Variants in TMEM71 observed in about 807,000 individuals in gnomAD.
TMEM71 encodes the protein transmembrane protein 71.
Under a neutral mutation model 38.0 loss-of-function variants are expected in TMEM71, and 44 were observed. The ratio of observed to expected loss-of-function variants is 1.16; its 90% CI spans 0.91 to 1.49. The LOEUF is 1.49. TMEM71 is among the 40% of genes most tolerant of loss of function. The probability of loss-of-function intolerance (pLI) is 0.00; values close to 1 mark genes in which losing one functional copy is unlikely to be tolerated. For missense variants in TMEM71, 367 were observed against 348.6 expected (o/e 1.05, Z -0.42); for synonymous variants, 133 against 122.5 (o/e 1.09, Z -0.56).
intron 6 of TMEM71, among the ~76,000 whole-genome samples, chr8:132,724,165 C>T (rs1335471350): frequency 7.2e-5 from 11 of 152,262 alleles, no homozygotes; most frequent in East Asian, 1.9e-4. Flanking sequence ...CTATGTTCAG[C>T]GGTGCACATA....
Position 132,727,853 on chromosome 8 carries a change from A to T in TMEM71, c.621T>A (p.Leu207=). 3 of 1,614,126 alleles carry T rather than the reference A, an allele frequency of 1.9e-6. No homozygotes were observed. Among genetic ancestry groups the T allele is most frequent in the Non-Finnish European group, 2.5e-6 (3 of 1,179,976 alleles). Reference sequence around the variant, plus strand: ...GTTCAGAAGCTGTCAACTGGGACTGAAGAGACAAGCTATGGGAGTTTCCTC... The same window carrying T: ...GTTCAGAAGCTGTCAACTGGGACTGTAGAGACAAGCTATGGGAGTTTCCTC... ...PPGGNSHSLS[L]QSQLTASERF... Residue 207 remains leucine, a synonymous_variant, in exon 6 of 10, where the codon CTT becomes CTA. Coordinates refer to ENST00000677595, the MANE Select transcript of TMEM71 (RefSeq NM_001382403.1).
chr8:132,748,975 G>T (rs937277526), intron 4 of TMEM71, among the ~76,000 whole-genome samples: 2 of 152,226 alleles, frequency 1.3e-5, no homozygotes, highest in African/African-American at 4.8e-5. Flanking sequence ...TACGTCATAA[G>T]ATTCCAGAGC....
downstream of TMEM71, among the ~76,000 whole-genome samples, chr8:132,707,892 A>G (rs1321324032): frequency 6.6e-6 from 1 of 152,154 alleles, no homozygotes; most frequent in Non-Finnish European, 1.5e-5. Context: ...TAAACATGAC[A>G]TTTAATAAGT....
At chr8:132,741,682 T>C (rs573323237) in intron 5 of TMEM71, among the ~76,000 whole-genome samples, 1 of 152,188 alleles carries the variant, frequency 6.6e-6, no homozygotes, top group East Asian at 1.9e-4. Flanking sequence ...CCTTCACTAA[T>C]TTACTACTGC....
chr8:132,723,381 G>C (rs573852567), intron 6 of TMEM71, among the ~76,000 whole-genome samples: 2 of 151,418 alleles, frequency 1.3e-5, no homozygotes, highest in Admixed American at 6.6e-5. Context: ...AATGGGTTTA[G>C]ATTTGAGATC....
rs1826161823 is a variant in TMEM71 at position 132,710,045 on chromosome 8, C to T, written c.*922G>A. On this transcript the variant is annotated 3_prime_UTR_variant, in exon 10 of 10. Coordinates refer to ENST00000677595, the MANE Select transcript of TMEM71 (RefSeq NM_001382403.1). ...TATATTTTGGCATTATCATTTCGAG[C>T]AAAGACAATTTTCTGCATGTATGAG... The T allele has an allele frequency of 6.6e-6, 1 of 152,004 alleles. No homozygotes were observed. The highest frequency in any genetic ancestry group is 6.6e-5 in the Admixed American group (1 of 15,256). The allele number at this position is 152,004 out of a possible 1,614,324, so 9.4% of individuals were successfully genotyped here.
At chr8:132,769,593 T>A in the TMEM71 span, among the ~76,000 whole-genome samples, 1 of 152,204 alleles carries the variant, frequency 6.6e-6, no homozygotes, top group South Asian at 2.1e-4. Flanking sequence ...AACTATGTAA[T>A]GAAGGTTGAG....
rs114170798 is a variant in TMEM71 at position 132,718,072 on chromosome 8, T to A, written c.753-3857A>T. Among the ~76,000 whole-genome samples, 291 of 152,262 alleles carry A rather than the reference T, an allele frequency of 1.9e-3. 1 individual carries two copies. The highest frequency in any genetic ancestry group is 6.8e-3 in the African/African-American group (282 of 41,558). On this transcript the variant is annotated intron_variant, in intron 7 of 9. Transcript: ENST00000677595. ...AGAGACAGAAAGTACATTAGTGGTT[T>A]TCAGGAGGTGGAAGAGGAAGGAAAG...
intron 7 of TMEM71, among the ~76,000 whole-genome samples, 178 bp from the exon 8 acceptor site, chr8:132,714,393 CAGA>C (rs754964780): frequency 2.6e-5 from 4 of 152,120 alleles, no homozygotes; most frequent in Non-Finnish European, 5.9e-5. Flanking sequence ...GTAGACAGCC[CAGA>C]AGTAGACTTA....
chr8:132,762,739 C>T (rs143311358), upstream of TMEM71, among the ~76,000 whole-genome samples: 9 of 152,280 alleles, frequency 5.9e-5, no homozygotes, highest in East Asian at 1.5e-3. Context: ...AGGATTCAAA[C>T]CCTGATGAGA....
chr8:132,749,761 A>T (rs1333713519), intron 4 of TMEM71, among the ~76,000 whole-genome samples: 2 of 152,176 alleles, frequency 1.3e-5, no homozygotes, highest in South Asian at 2.1e-4. Context: ...CACACCTGTA[A>T]TCCCAGCACT....
At chr8:132,751,621 G>C (rs1828713111) in intron 4 of TMEM71, among the ~76,000 whole-genome samples, 164 bp downstream of exon 4, 1 of 151,146 alleles carries the variant, frequency 6.6e-6, no homozygotes, top group African/African-American at 2.4e-5. Context: ...CAAAATTAAT[G>C]GATGGATTGA....
At chr8:132,747,674 G>T (rs576150745) in intron 4 of TMEM71, among the ~76,000 whole-genome samples, 1 of 152,232 alleles carries the variant, frequency 6.6e-6, no homozygotes, top group African/African-American at 2.4e-5. Context: ...GGCACCAGGA[G>T]TGGCAGTGCT....
intron 5 of TMEM71, among the ~76,000 whole-genome samples, chr8:132,729,457 T>A (rs1425707): frequency 0.42 from 63,608 of 152,052 alleles, 14,541 homozygotes; most frequent in African/African-American, 0.6. Context: ...TTCGTGCCAG[T>A]TTAGAGCTCA....
At chr8:132,768,585 A>T in the TMEM71 span, among the ~76,000 whole-genome samples, 39 of 152,184 alleles carry the variant, frequency 2.6e-4, no homozygotes, top group Non-Finnish European at 3.8e-4. Flanking sequence ...AAAAAATAGG[A>T]GAGAAAAGAA....
intron 3 of TMEM71, among the ~76,000 whole-genome samples, chr8:132,752,309 G>T (rs1344765651): frequency 6.6e-6 from 1 of 152,140 alleles, no homozygotes. Context: ...GGATGGGATG[G>T]TGGAAGCTCA....
chr8:132,752,988 A>G (rs1218811893), intron 3 of TMEM71, among the ~76,000 whole-genome samples: 3 of 152,130 alleles, frequency 2.0e-5, no homozygotes, highest in African/African-American at 7.2e-5. Context: ...GCCTGGTGAC[A>G]ATAGTAACAG....
chr8:132,706,930 T>C (rs80346824), downstream of TMEM71, among the ~76,000 whole-genome samples: 1,792 of 152,224 alleles, frequency 0.012, 36 homozygotes, highest in African/African-American at 0.041. Context: ...ACCTAGGAAG[T>C]AATTGTTCCC....
rs1395400364 is a variant in TMEM71 at position 132,751,974 on chromosome 8, C to A, written c.125G>T (p.Gly42Val). 1 of 1,614,064 alleles carries A rather than the reference C, an allele frequency of 6.2e-7. No homozygotes were observed. Among genetic ancestry groups the A allele is most frequent in the Non-Finnish European group, 8.5e-7 (1 of 1,180,020 alleles). ...FPSFTCDSLD[G>V]YHSFECGSID... ...GGAGCCGCATTCAAAAGAATGGTAA[C>A]CATCCAGGGAATCACAGGTGAAACT... Residue 42 changes from glycine (G) to valine (V), a missense_variant, in exon 4 of 10, where the codon GGT becomes GTT. By Grantham distance (109) the Gly-to-Val change is moderately radical. Coordinates refer to ENST00000677595, the MANE Select transcript of TMEM71 (RefSeq NM_001382403.1).
Sources: gnomAD v4.1 joint callset for allele counts (sites outside exome capture counted in the v4.1 genomes callset) on GRCh38, gnomAD v4.1.1 for gene constraint, MANE v1.5 for transcripts, NCBI Gene and HGNC (gene_info 2026-07-23, HGNC 2026-07-21) for gene names.